Variants in MAN2B2 observed in about 807,000 individuals in gnomAD.
MAN2B2 encodes the protein mannosidase alpha class 2B member 2, also known as epididymis-specific alpha-mannosidase.
Under a neutral mutation model 117.1 loss-of-function variants are expected in MAN2B2, and 106 were observed. The observed-to-expected ratio is 0.90, with a 90% CI of 0.77 to 1.06. The LOEUF is 1.06. MAN2B2 is among the 50% of genes least tolerant of loss of function. The probability of loss-of-function intolerance (pLI) is 0.00; values close to 1 mark genes in which losing one functional copy is unlikely to be tolerated. For missense variants in MAN2B2, 1,326 were observed against 1,381.4 expected (o/e 0.96, Z 0.64); for synonymous variants, 544 against 595.1 (o/e 0.91, Z 1.25).
At position 6,614,280 on chromosome 4, in the gene MAN2B2, C is replaced by G. The variant is rs1235759450; in HGVS notation, c.2626C>G (p.His876Asp). The G allele has an allele frequency of 6.2e-7, 1 of 1,614,054 alleles. No homozygotes were observed. The highest frequency in any genetic ancestry group is 1.3e-5 in the African/African-American group (1 of 74,940). ...GGCCGTGACGCTGCCCCCGAATCTTCACCTGCAGATCCTGAGCATCCCTGG... is the reference window on the plus strand; with the variant it reads ...GGCCGTGACGCTGCCCCCGAATCTTGACCTGCAGATCCTGAGCATCCCTGG... ...QEAVTLPPNL[H>D]LQILSIPGWR... The change falls in exon 16 of 19, where the codon CAC (histidine) becomes GAC (aspartate). Residue 876 changes from histidine to aspartate, a missense_variant. By Grantham distance (81) the His-to-Asp change is moderately conservative. Transcript: ENST00000285599.
At chr4:6,579,427 ATCACCACCACCCT>A (rs1726334506) in intron 3 of MAN2B2, among the ~76,000 whole-genome samples, 2 of 121,044 alleles carry the variant, frequency 1.7e-5, no homozygotes, top group Admixed American at 8.5e-5. Context: ...CACCACCACC[ATCACCACCACCCT>A]TCACCATCAC....
At chr4:6,601,807 CCACA>C (rs1727340621) in intron 10 of MAN2B2, among the ~76,000 whole-genome samples, 1 of 152,214 alleles carries the variant, frequency 6.6e-6, no homozygotes, top group South Asian at 2.1e-4. Flanking sequence ...GTTTACTGTA[CCACA>C]CAGAGTCCCT....
rs367594989 is a variant in MAN2B2 at position 6,610,911 on chromosome 4, T to C, written c.2291T>C (p.Met764Thr). 1.9e-6 allele frequency: 3 copies of C among 1,614,188 alleles called. No homozygotes were observed. Among genetic ancestry groups the C allele is most frequent in the South Asian group, 1.1e-5 (1 of 91,088 alleles). Residue 764 changes from methionine (M) to threonine (T), a missense_variant, in exon 14 of 19, where the codon ATG (methionine) becomes ACG (threonine). Met to Thr is a moderately conservative substitution (Grantham distance 81). Transcript: ENST00000285599. ...TACCCCATGGTTCAGTCGGCCTTCA[T>C]GGAGGATGGCAAAAGCAGGCTTGTG... ...NYYPMVQSAF[M>T]EDGKSRLVLL...
intron 9 of MAN2B2, 138 bp downstream of exon 9, chr4:6,598,492 C>G: frequency 1.1e-6 from 1 of 923,162 alleles, no homozygotes; most frequent in East Asian, 2.7e-5. Flanking sequence ...GGTGAGAGCT[C>G]GGACAGGTGG....
chr4:6,579,283 T>C (rs201130318), intron 3 of MAN2B2, among the ~76,000 whole-genome samples: 351 of 9,422 alleles, frequency 0.037, 1 homozygote, highest in Non-Finnish European at 0.039. Context: ...ACCACCACCA[T>C]CACCATCACC....
At chr4:6,607,348 A>G (rs1324164996) in intron 11 of MAN2B2, among the ~76,000 whole-genome samples, 2 of 152,176 alleles carry the variant, frequency 1.3e-5, no homozygotes, top group Non-Finnish European at 2.9e-5. Flanking sequence ...CTGGGATTAC[A>G]TGTGCATACC....
chr4:6,579,242 AC>A (rs1279335290), intron 3 of MAN2B2, among the ~76,000 whole-genome samples: 3 of 15,140 alleles, frequency 2.0e-4, no homozygotes, highest in Non-Finnish European at 2.9e-4. Flanking sequence ...CACCACCACC[AC>A]CCTTCACCAC....
intron 7 of MAN2B2, among the ~76,000 whole-genome samples, chr4:6,596,585 G>A (rs761771049): frequency 6.6e-6 from 1 of 152,100 alleles, no homozygotes; most frequent in Non-Finnish European, 1.5e-5. Flanking sequence ...GCTCCCTGGG[G>A]TCTCTGAGCC....
chr4:6,591,948 C>G (rs1726875342), intron 5 of MAN2B2, among the ~76,000 whole-genome samples: 1 of 152,226 alleles, frequency 6.6e-6, no homozygotes, highest in Non-Finnish European at 1.5e-5. Context: ...AGTGCCCCAT[C>G]TTACAGAAGG....
At chr4:6,583,468 T>G (rs1726519814) in intron 3 of MAN2B2, among the ~76,000 whole-genome samples, 2 of 152,198 alleles carry the variant, frequency 1.3e-5, no homozygotes, top group African/African-American at 4.8e-5. Flanking sequence ...CGGACGCCAA[T>G]TAACAGTTTT....
Position 6,600,766 on chromosome 4 carries a change from C to A in MAN2B2, c.1539+10C>A. ...CCCAGTGCCCTCGCAGGTATGGACACAAAATCCTGCTGGAGGGGCCTTAGC... is the reference window on the plus strand; with the variant it reads ...CCCAGTGCCCTCGCAGGTATGGACAAAAAATCCTGCTGGAGGGGCCTTAGC... On this transcript the variant is annotated intron_variant, in intron 10 of 18. Coordinates refer to ENST00000285599, the MANE Select transcript of MAN2B2 (RefSeq NM_015274.3). 4.3e-6 allele frequency: 7 copies of A among 1,612,886 alleles called. No homozygotes were observed. Among genetic ancestry groups the A allele is most frequent in the Non-Finnish European group, 5.9e-6 (7 of 1,179,940 alleles).
In MAN2B2 at chr4:6,593,270, A is replaced by T; in HGVS notation, c.778A>T (p.Asn260Tyr). ...MSEPVTPANI[N>Y]LYAEALVANV... ...TGAGCCTGTCACCCCAGCCAACATC[A>T]ACCTCTATGCCGAGGCCCTGGTGGC... Residue 260 changes from asparagine (N) to tyrosine (Y), a missense_variant, in exon 6 of 19, where the codon AAC becomes TAC. Transcript: ENST00000285599. 1 of 1,614,004 alleles carries T rather than the reference A, an allele frequency of 6.2e-7. No homozygotes were observed. The highest frequency in any genetic ancestry group is 1.3e-5 in the African/African-American group (1 of 75,044).
At chr4:6,578,708 G>C (rs1436205008) in intron 3 of MAN2B2, among the ~76,000 whole-genome samples, 5 of 152,136 alleles carry the variant, frequency 3.3e-5, no homozygotes, top group African/African-American at 9.7e-5. Context: ...GCTAGAGTCA[G>C]ATGGTCTCAA....
chr4:6,581,029 G>A (rs1726409238), intron 3 of MAN2B2, among the ~76,000 whole-genome samples: 1 of 152,308 alleles, frequency 6.6e-6, no homozygotes, highest in African/African-American at 2.4e-5. Flanking sequence ...GTACAGACAT[G>A]TGGGTTTCTT....
intron 17 of MAN2B2, chr4:6,619,612 T>C (rs1164737271): frequency 6.9e-6 from 2 of 290,968 alleles, no homozygotes; most frequent in Non-Finnish European, 1.3e-5. Context: ...ACCTGAGCAA[T>C]GTGGGGAGAG....
chr4:6,598,119 C>T (rs956221080), intron 8 of MAN2B2, 79 bp from the exon 9 acceptor site: 18 of 1,487,580 alleles, frequency 1.2e-5, no homozygotes, highest in African/African-American at 1.1e-4. Context: ...TGAGAGCCAG[C>T]GCCTAGTAGG....
At chr4:6,601,054 A>G (rs895581172) in intron 10 of MAN2B2, among the ~76,000 whole-genome samples, 62 of 152,186 alleles carry the variant, frequency 4.1e-4, no homozygotes, top group African/African-American at 1.4e-3. Context: ...AATTTCAGAC[A>G]CCAGCCACAA....
intron 3 of MAN2B2, among the ~76,000 whole-genome samples, chr4:6,579,045 CCACCATCACCACCACCATCACCAT>C (rs1560634130): frequency 8.7e-5 from 8 of 91,538 alleles, no homozygotes; most frequent in Non-Finnish European, 1.5e-4. Context: ...ACCACCATCA[CCACCATCACCACCACCATCACCAT>C]CACCACCACC....
At chr4:6,587,254 C>T in intron 4 of MAN2B2, 86 bp downstream of exon 4, 3 of 1,501,278 alleles carry the variant, frequency 2.0e-6, no homozygotes, top group Non-Finnish European at 2.7e-6. Flanking sequence ...AGCTGCTGCT[C>T]TATGCCGAAG....
Sources: gnomAD v4.1 joint callset for allele counts (sites outside exome capture counted in the v4.1 genomes callset) on GRCh38, gnomAD v4.1.1 for gene constraint, MANE v1.5 for transcripts, NCBI Gene and HGNC (gene_info 2026-07-23, HGNC 2026-07-21) for gene names.